CYTH1: variants seen among roughly 807,000 people sequenced by gnomAD.
CYTH1 encodes the protein cytohesin 1.
Under a neutral mutation model 61.8 loss-of-function variants are expected in CYTH1, and 18 were observed. The ratio of observed to expected loss-of-function variants is 0.29; its 90% CI spans 0.20 to 0.43. CYTH1 has a LOEUF of 0.43. Ranked by LOEUF, CYTH1 falls within the 20% of genes least tolerant of loss-of-function variation. The pLI is 1.00. For missense variants in CYTH1, 336 were observed against 510.5 expected (o/e 0.66, Z 3.29); for synonymous variants, 174 against 184.3 (o/e 0.94, Z 0.45).
intron 1 of CYTH1, among the ~76,000 whole-genome samples, chr17:78,719,774 G>A (rs939445086): frequency 1.8e-4 from 28 of 152,172 alleles, no homozygotes; most frequent in Non-Finnish European, 1.5e-4. Context: ...TGTAGCAAAG[G>A]GGTGTGACTA....
chr17:78,722,272 C>T (rs1029564530), intron 1 of CYTH1, among the ~76,000 whole-genome samples: 2 of 152,190 alleles, frequency 1.3e-5, no homozygotes, highest in Admixed American at 6.5e-5. Context: ...AGTGACAACA[C>T]CTGATATAGC....
chr17:78,722,331 G>A (rs1400031664), intron 1 of CYTH1, among the ~76,000 whole-genome samples: 1 of 152,232 alleles, frequency 6.6e-6, no homozygotes, highest in Non-Finnish European at 1.5e-5. Flanking sequence ...CTCCACTGCT[G>A]TTTCGAAAGG....
At chr17:78,779,166 T>C (rs1173729299) in intron 1 of CYTH1, among the ~76,000 whole-genome samples, 2 of 151,964 alleles carry the variant, frequency 1.3e-5, no homozygotes, top group African/African-American at 4.8e-5. Flanking sequence ...TTTGGGAGGC[T>C]TAGGCAGGCA....
intron 12 of CYTH1, 129 bp downstream of exon 12, chr17:78,680,842 T>G: frequency 1.1e-6 from 1 of 911,664 alleles, no homozygotes; most frequent in South Asian, 1.4e-5. Context: ...TTGAACAATA[T>G]AATAAAAAAT....
chr17:78,688,902 G>T (rs555735258), intron 11 of CYTH1, among the ~76,000 whole-genome samples: 1 of 152,268 alleles, frequency 6.6e-6, no homozygotes, highest in Non-Finnish European at 1.5e-5. Context: ...TCTTTACAAT[G>T]CAGCTTTATT....
chr17:78,741,127 G>T (rs977681152), intron 1 of CYTH1, among the ~76,000 whole-genome samples: 3 of 152,210 alleles, frequency 2.0e-5, no homozygotes, highest in African/African-American at 7.2e-5. Context: ...TGCAAGTGTT[G>T]TTGATTCAAG....
At chr17:78,693,483 G>C (rs960737308) in intron 10 of CYTH1, among the ~76,000 whole-genome samples, 1 of 151,944 alleles carries the variant, frequency 6.6e-6, no homozygotes, top group African/African-American at 2.4e-5. Context: ...TTAGCCAGGG[G>C]TGGTGGCACA....
chr17:78,774,215 T>C (rs557875600), intron 1 of CYTH1, among the ~76,000 whole-genome samples: 14 of 152,338 alleles, frequency 9.2e-5, no homozygotes, highest in African/African-American at 3.4e-4. Flanking sequence ...AAAATGTTTA[T>C]ACTCTGACAT....
intron 1 of CYTH1, among the ~76,000 whole-genome samples, chr17:78,781,222 G>C (rs1451552842): frequency 6.6e-6 from 1 of 151,170 alleles, no homozygotes; most frequent in East Asian, 1.9e-4. Context: ...CTAGAATTGG[G>C]TTCCATTTGG....
chr17:78,713,466 T>G (rs559777060), intron 1 of CYTH1, among the ~76,000 whole-genome samples: 2 of 152,326 alleles, frequency 1.3e-5, no homozygotes, highest in East Asian at 3.8e-4. Context: ...TCAATGTATC[T>G]CTACCCAGCA....
At chr17:78,680,365 G>A (rs564089431) in intron 12 of CYTH1, 21 bp from the exon 13 acceptor site, 1 of 1,600,092 alleles carries the variant, frequency 6.2e-7, no homozygotes, top group Non-Finnish European at 8.5e-7. Context: ...AAACAGAGAG[G>A]GAGAGAGTGG....
chr17:78,733,452 GCT>G (rs1390593645), intron 1 of CYTH1, among the ~76,000 whole-genome samples: 1 of 152,172 alleles, frequency 6.6e-6, no homozygotes, highest in Non-Finnish European at 1.5e-5. Context: ...TGCATCCTCA[GCT>G]CTTTTTTTTT....
At chr17:78,764,361 T>C (rs2093440159) in intron 1 of CYTH1, among the ~76,000 whole-genome samples, 1 of 151,704 alleles carries the variant, frequency 6.6e-6, no homozygotes, top group Non-Finnish European at 1.5e-5. Context: ...CACGCCCAGC[T>C]AATTTTTGCC....
chr17:78,689,848 A>C (rs1437146549), intron 11 of CYTH1, among the ~76,000 whole-genome samples: 3 of 152,032 alleles, frequency 2.0e-5, no homozygotes, highest in African/African-American at 7.2e-5. Context: ...AGTCCTGTTC[A>C]GTTTGCCTCC....
intron 1 of CYTH1, chr17:78,727,619 C>T (rs752410376): frequency 8.6e-6 from 4 of 462,596 alleles, no homozygotes; most frequent in East Asian, 7.1e-5. Context: ...TTCCAAGTCG[C>T]GGGAAGGTCC....
rs561234791 is a variant in CYTH1, at chr17:78,765,992, A to T, written c.22+16210T>A. 2.4e-4 allele frequency among the ~76,000 whole-genome samples: 36 copies of T among 149,820 alleles called. No homozygotes were observed. The East Asian group carries it at 7.0e-3, about 29-fold the overall frequency. On this transcript the variant is annotated intron_variant, in intron 1 of 13. Coordinates refer to ENST00000446868, the MANE Select transcript of CYTH1 (RefSeq NM_004762.6). ...AGCCTTAGGCTGTGCACGGTGGCTC[A>T]AACCTGTAATCCCAGCACTTTGGGG...
rs1290398844 is a variant in CYTH1, at chr17:78,760,376, TATATATATAC to T, written c.22+21816_22+21825del. ...AGGTTTATATATATATATATATATATATATATATACACACACATACATATATATATGTGTA... is the reference window on the plus strand; with the variant it reads ...AGGTTTATATATATATATATATATATACACACATACATATATATATGTGTA... On this transcript the variant is annotated intron_variant, in intron 1 of 13. Transcript: ENST00000446868. Among the ~76,000 whole-genome samples, 324 of 62,432 alleles carry T rather than the reference TATATATATAC, an allele frequency of 5.2e-3. 4 individuals carry two copies. The highest frequency in any genetic ancestry group is 0.018 in the African/African-American group (284 of 15,844). The allele number at this position is 62,432 out of a possible 152,430, so 41.0% of individuals were successfully genotyped here.
intron 1 of CYTH1, among the ~76,000 whole-genome samples, chr17:78,763,086 G>C (rs181607617): frequency 3.9e-5 from 6 of 152,284 alleles, no homozygotes; most frequent in Admixed American, 3.9e-4. Context: ...GCTCACGCCT[G>C]TAATCCCAGC....
At chr17:78,765,007 A>C (rs1475894972) in intron 1 of CYTH1, among the ~76,000 whole-genome samples, 7 of 152,062 alleles carry the variant, frequency 4.6e-5, no homozygotes, top group Admixed American at 6.6e-5. Flanking sequence ...AAACAGGGGA[A>C]GTCTTGTCGA....
Sources: gnomAD v4.1 joint callset for allele counts (sites outside exome capture counted in the v4.1 genomes callset) on GRCh38, gnomAD v4.1.1 for gene constraint, MANE v1.5 for transcripts, NCBI Gene and HGNC (gene_info 2026-07-23, HGNC 2026-07-21) for gene names.